The following SNCAIP variants were observed in gnomAD, a reference collection of about 807,000 sequenced individuals.
SNCAIP encodes the protein synphilin-1.
In SNCAIP, 43 loss-of-function variants were observed where a neutral mutation model predicts 86.7. The ratio of observed to expected loss-of-function variants is 0.50; its 90% confidence interval spans 0.39 to 0.64. The LOEUF (loss-of-function observed/expected upper bound fraction) is 0.64. SNCAIP is among the 30% of genes least tolerant of loss of function. The pLI is 0.00. For synonymous variants in SNCAIP, 417 were observed against 427.2 expected (o/e 0.98, Z 0.29); for missense variants, 981 against 1,103.1 (o/e 0.89, Z 1.57).
At position 122,450,826 on chromosome 5, in the gene SNCAIP, G is replaced by A. The variant is rs1433165532; in HGVS notation, c.1979G>A (p.Arg660Lys). Residue 660 changes from arginine to lysine, a missense_variant, in exon 10 of 11, where the codon AGG becomes AAG. Transcript: ENST00000261368. ...TCTAAAAAGATCCCACTGGAGAAGA[G>A]GGAACTGAAGTTAGCCAGGCTGAGA... ...RNSKKIPLEK[R>K]ELKLARLRQL... The A allele has an allele frequency of 6.2e-7, 1 of 1,614,146 alleles. No individual in the cohort carries two copies. Among genetic ancestry groups the A allele is most frequent in the Non-Finnish European group, 8.5e-7 (1 of 1,180,034 alleles).
At chr5:122,331,629 A>G (rs748069449) in intron 1 of SNCAIP, among the ~76,000 whole-genome samples, 42 of 152,308 alleles carry the variant, frequency 2.8e-4, no homozygotes, top group Non-Finnish European at 4.9e-4. Flanking sequence ...GCACCAGCAG[A>G]TCTCATGTCA....
intron 1 of SNCAIP, among the ~76,000 whole-genome samples, chr5:122,331,746 T>C (rs1462913605): frequency 6.6e-5 from 10 of 152,210 alleles, no homozygotes; most frequent in Admixed American, 6.6e-4. Flanking sequence ...CTTAATCCCG[T>C]ATCGTTCTCT....
intron 4 of SNCAIP, 116 bp from the exon 5 acceptor site, chr5:122,425,236 G>T (rs1581168878): frequency 2.5e-6 from 2 of 814,548 alleles, no homozygotes; most frequent in Non-Finnish European, 4.4e-6. Context: ...GATCCCCAAG[G>T]CTGCCACCAG....
At chr5:122,435,900 CTT>C (rs1581235987) in intron 6 of SNCAIP, among the ~76,000 whole-genome samples, 1 of 152,128 alleles carries the variant, frequency 6.6e-6, no homozygotes, top group Non-Finnish European at 1.5e-5. Context: ...ATAGAAGAGT[CTT>C]TGATTAGCAC....
intron 1 of SNCAIP, among the ~76,000 whole-genome samples, chr5:122,344,238 A>G (rs1039110242): frequency 6.6e-6 from 1 of 152,214 alleles, no homozygotes; most frequent in African/African-American, 2.4e-5. Flanking sequence ...ATTTGAATCC[A>G]TGAGTAATTG....
chr5:122,405,637 A>G (rs1338481093), intron 3 of SNCAIP, among the ~76,000 whole-genome samples: 1 of 152,144 alleles, frequency 6.6e-6, no homozygotes, highest in African/African-American at 2.4e-5. Flanking sequence ...TACATATACT[A>G]CCCTTCCAGA....
chr5:122,456,729 A>T (rs1448709259), intron 10 of SNCAIP, among the ~76,000 whole-genome samples: 1 of 152,100 alleles, frequency 6.6e-6, no homozygotes, highest in Non-Finnish European at 1.5e-5. Flanking sequence ...TCATTTTTTG[A>T]CCTTAAAATG....
At position 122,451,533 on chromosome 5, in the gene SNCAIP, T is replaced by C. The variant is rs765493380; in HGVS notation, c.2686T>C (p.Ser896Pro). 7.4e-6 allele frequency: 12 copies of C among 1,613,724 alleles called. No homozygotes were observed. In the South Asian group the frequency reaches 1.3e-4, roughly 18 times the overall value. The change falls in exon 10 of 11, where the codon TCA becomes CCA. Residue 896 changes from serine (S) to proline (P), a missense_variant. Transcript: ENST00000261368. Reference protein sequence around the residue: ...QLKTSTLPLTSLGRKTDAKGN... With the variant: ...QLKTSTLPLTPLGRKTDAKGN... ...GAAAACCTCTACATTGCCCTTGACC[T>C]CACTTGGGAGGAAGACAGATGCCAA...
chr5:122,377,199 T>G (rs796949512), intron 1 of SNCAIP, among the ~76,000 whole-genome samples: 19 of 152,292 alleles, frequency 1.2e-4, no homozygotes, highest in African/African-American at 4.6e-4. Context: ...TTAGCTGTAT[T>G]GCATAAGACA....
rs1201301542 is a variant in SNCAIP at position 122,349,225 on chromosome 5, T to C, written c.-47+36941T>C. Among the ~76,000 whole-genome samples the C allele has an allele frequency of 3.3e-5, 5 of 152,188 alleles. No individual in the cohort carries two copies. In the South Asian group the frequency reaches 1.0e-3, roughly 32 times the overall value. On this transcript the variant is annotated intron_variant, in intron 1 of 10. Transcript: ENST00000261368. ...TTTTTGGAACGCGATGATCCTCAAC[T>C]CTGGTTACACATTAAAATTGCCTGA... is the stretch of plus-strand genomic sequence containing the variant.
At chr5:122,347,705 G>A (rs1476528536) in intron 1 of SNCAIP, among the ~76,000 whole-genome samples, 1 of 151,946 alleles carries the variant, frequency 6.6e-6, no homozygotes, top group African/African-American at 2.4e-5. Flanking sequence ...AATAATGCAT[G>A]TGACATGACA....
intron 1 of SNCAIP, chr5:122,388,818 A>T (rs929312467): frequency 6.6e-6 from 1 of 152,276 alleles, no homozygotes; most frequent in Non-Finnish European, 1.5e-5. Context: ...GATCATGAAC[A>T]GAATGAGACA....
chr5:122,335,346 G>A (rs1438091157), intron 1 of SNCAIP, among the ~76,000 whole-genome samples: 1 of 152,126 alleles, frequency 6.6e-6, no homozygotes, highest in Non-Finnish European at 1.5e-5. Context: ...TCACAAATAA[G>A]TCAAAACAAT....
intron 1 of SNCAIP, among the ~76,000 whole-genome samples, chr5:122,330,514 T>A (rs1755099044): frequency 6.6e-6 from 1 of 152,192 alleles, no homozygotes; most frequent in South Asian, 2.1e-4. Flanking sequence ...AGATGTGTTA[T>A]AACAGAAAAT....
In SNCAIP at chr5:122,424,798, T is replaced by C. The variant is rs148113045; in HGVS notation, c.1003-554T>C. Among the ~76,000 whole-genome samples, 4 of 152,248 alleles carry C rather than the reference T, an allele frequency of 2.6e-5. No individual in the cohort carries two copies. The East Asian group carries it at 7.7e-4, about 29-fold the overall frequency. On this transcript the variant is annotated intron_variant, in intron 4 of 10. Coordinates refer to ENST00000261368, the MANE Select transcript of SNCAIP (RefSeq NM_005460.4). ...CATAGTCAAGGGACAAAAACTTCAC[T>C]AGAGATGAGAAACCAAAGCCATGTA...
At chr5:122,336,072 A>G (rs529023770) in intron 1 of SNCAIP, among the ~76,000 whole-genome samples, 1 of 152,266 alleles carries the variant, frequency 6.6e-6, no homozygotes, top group African/African-American at 2.4e-5. Context: ...TAGTGTTATT[A>G]CAGAGGGAGG....
At chr5:122,430,690 C>G (rs1778239085) in intron 5 of SNCAIP, among the ~76,000 whole-genome samples, 1 of 151,816 alleles carries the variant, frequency 6.6e-6, no homozygotes, top group South Asian at 2.1e-4. Flanking sequence ...TATTTACATG[C>G]CTTGATTGCT....
chr5:122,400,835 A>C (rs2152865515), intron 2 of SNCAIP: 1 of 781,362 alleles, frequency 1.3e-6, no homozygotes, highest in South Asian at 2.7e-5. Context: ...GAGAAGTGGA[A>C]AAGAAGTCTG....
chr5:122,363,695 AC>A (rs34043214), intron 1 of SNCAIP, among the ~76,000 whole-genome samples: 26 of 146,898 alleles, frequency 1.8e-4, no homozygotes, highest in African/African-American at 6.2e-4. Context: ...AAAAAAAAAA[AC>A]CCCCTCTTGG....
Sources: allele counts gnomAD v4.1 joint callset (sites outside exome capture counted in the v4.1 genomes callset), GRCh38; gene constraint gnomAD v4.1.1; transcripts MANE v1.5; gene names NCBI Gene and HGNC (gene_info 2026-07-23, HGNC 2026-07-21).